The following ERBB4 variants were observed in gnomAD, a reference collection of about 807,000 sequenced individuals.
The protein encoded by ERBB4 is receptor tyrosine-protein kinase erbB-4.
In ERBB4, 42 loss-of-function variants were observed where a neutral mutation model predicts 158.0. That is an observed-to-expected ratio of 0.27 (90% CI 0.21 to 0.34). The LOEUF (loss-of-function observed/expected upper bound fraction) is 0.34. ERBB4 is among the 10% of genes least tolerant of loss of function. ERBB4 has a pLI of 1.00. For missense variants in ERBB4, 1,333 were observed against 1,624.1 expected, an observed-to-expected ratio of 0.82 and a Z score of 3.08; for synonymous variants, 583 against 558.7, an observed-to-expected ratio of 1.04 and a Z score of -0.61.
At chr2:211,911,790 T>C (rs1559082950) in intron 3 of ERBB4, among the ~76,000 whole-genome samples, 1 of 151,652 alleles carries the variant, frequency 6.6e-6, no homozygotes, top group Non-Finnish European at 1.5e-5. Flanking sequence ...GGTTACAAAT[T>C]TCAGTTAGAC....
intron 1 of ERBB4, among the ~76,000 whole-genome samples, chr2:212,452,739 C>G (rs768125972): frequency 9.9e-5 from 15 of 152,076 alleles, no homozygotes; most frequent in Non-Finnish European, 1.9e-4. Flanking sequence ...AAAACTGACT[C>G]TAAGTTTAAA....
At chr2:211,904,782 A>G (rs2079332412) in intron 3 of ERBB4, among the ~76,000 whole-genome samples, 1 of 152,154 alleles carries the variant, frequency 6.6e-6, no homozygotes. Context: ...TGACCAACAG[A>G]GAACAATTAC....
intron 17 of ERBB4, among the ~76,000 whole-genome samples, chr2:211,629,365 A>G (rs1205785391): frequency 6.6e-6 from 1 of 152,102 alleles, no homozygotes; most frequent in African/African-American, 2.4e-5. Flanking sequence ...CTTCAAGGAG[A>G]TCTACAAACC....
intron 2 of ERBB4, among the ~76,000 whole-genome samples, chr2:211,999,582 CAAAT>C (rs2076057275): frequency 6.6e-6 from 1 of 151,714 alleles, no homozygotes; most frequent in Non-Finnish European, 1.5e-5. Context: ...ATAAAAGAAT[CAAAT>C]GAATGGAAAT....
At chr2:212,109,037 C>T (rs1195273196) in intron 2 of ERBB4, among the ~76,000 whole-genome samples, 5 of 152,012 alleles carry the variant, frequency 3.3e-5, no homozygotes, top group African/African-American at 1.2e-4. Flanking sequence ...CTGCCTTGTC[C>T]TACTCTGCAG....
chr2:211,644,979 G>T (rs532301646), intron 16 of ERBB4, among the ~76,000 whole-genome samples: 8 of 151,826 alleles, frequency 5.3e-5, no homozygotes, highest in Non-Finnish European at 8.8e-5. Flanking sequence ...TTAGAGCCAC[G>T]GGGGAGGAGA....
chr2:212,243,091 T>A (rs897773786), intron 1 of ERBB4, among the ~76,000 whole-genome samples: 1 of 152,214 alleles, frequency 6.6e-6, no homozygotes, highest in African/African-American at 2.4e-5. Flanking sequence ...CAATCTGTTA[T>A]GCCATTTTCT....
chr2:211,600,640 C>G (rs1255564985), intron 19 of ERBB4, among the ~76,000 whole-genome samples: 3 of 152,116 alleles, frequency 2.0e-5, no homozygotes, highest in African/African-American at 7.2e-5. Context: ...GTGACTAACT[C>G]CATTCTGGCA....
chr2:212,072,424 ATC>A (rs1043770190), intron 2 of ERBB4, among the ~76,000 whole-genome samples: 1 of 151,932 alleles, frequency 6.6e-6, no homozygotes, highest in African/African-American at 2.4e-5. Context: ...TTAAAATTTA[ATC>A]TCTCTGCATC....
At chr2:211,812,273 G>C (rs1183321741) in intron 3 of ERBB4, among the ~76,000 whole-genome samples, 2 of 152,112 alleles carry the variant, frequency 1.3e-5, no homozygotes, top group African/African-American at 4.8e-5. Flanking sequence ...TTTTCCAACA[G>C]GTCCCTCAGC....
rs1553584050 is a variant in ERBB4 at position 212,185,021 on chromosome 2, C to CTTTTTTTTTTTCTTTTTT, written c.83-60119_83-60118insAAAAAAGAAAAAAAAAAA. 9.1e-4 allele frequency among the ~76,000 whole-genome samples: 121 copies of CTTTTTTTTTTTCTTTTTT among 132,502 alleles called. 4 individuals carry two copies. Among genetic ancestry groups the CTTTTTTTTTTTCTTTTTT allele is most frequent in the African/African-American group, 3.2e-3 (114 of 35,364 alleles). 86.9% of individuals were successfully genotyped at this position (132,502 alleles called of 152,430 possible). A position where few individuals can be genotyped will look rare whatever the true frequency, so the allele number is the denominator to read the frequency against. On this transcript the variant is annotated intron_variant, in intron 1 of 27. Coordinates refer to ENST00000342788, the MANE Select transcript of ERBB4 (RefSeq NM_005235.3). The stretch of plus-strand genomic sequence containing the variant: ...TTAGATATCACAGTTACTTTTTTTT[C>CTTTTTTTTTTTCTTTTTT]TTTTTTTTTTTTCTTTTGAGACAGA...
intron 27 of ERBB4, among the ~76,000 whole-genome samples, chr2:211,385,911 C>A (rs978035264): frequency 6.6e-6 from 1 of 152,122 alleles, no homozygotes; most frequent in African/African-American, 2.4e-5. Context: ...CATCCAAACT[C>A]TTCATTACAT....
rs1258999804 is a variant in ERBB4 at position 212,526,958 on chromosome 2, C to T, written c.82+11491G>A. Among the ~76,000 whole-genome samples the T allele has an allele frequency of 1.3e-5, 2 of 152,042 alleles. 1 individual carries two copies. The highest frequency in any genetic ancestry group is 1.3e-4 in the Admixed American group (2 of 15,246). The stretch of plus-strand genomic sequence containing the variant: ...ATTTTCTTATTTTAAAGAATGGTCA[C>T]ATTTAACTTAGCCTGAGGGTAAAAG... On this transcript the variant is annotated intron_variant, in intron 1 of 27. Transcript: ENST00000342788.
chr2:211,755,337 AC>A (rs1364031775), intron 4 of ERBB4, among the ~76,000 whole-genome samples: 1 of 151,970 alleles, frequency 6.6e-6, no homozygotes, highest in African/African-American at 2.4e-5. Context: ...CCCGGCCTCT[AC>A]AAAAAATGCA....
intron 25 of ERBB4, among the ~76,000 whole-genome samples, chr2:211,413,667 T>G (rs1182954454): frequency 4.6e-5 from 7 of 151,968 alleles, no homozygotes; most frequent in Non-Finnish European, 1.0e-4. Context: ...GTCCATAGGG[T>G]TTTCTCTTCT....
At chr2:212,307,331 T>C (rs1028776861) in intron 1 of ERBB4, among the ~76,000 whole-genome samples, 2 of 150,390 alleles carry the variant, frequency 1.3e-5, no homozygotes, top group South Asian at 4.2e-4. Flanking sequence ...AAATATTAGT[T>C]CTTGGATCCC....
intron 1 of ERBB4, among the ~76,000 whole-genome samples, chr2:212,483,405 T>A (rs191700198): frequency 6.6e-6 from 1 of 152,240 alleles, no homozygotes; most frequent in Non-Finnish European, 1.5e-5. Flanking sequence ...AGAAAAGTTA[T>A]CTGGAGTGTC....
At chr2:212,011,424 C>G (rs1309352683) in intron 2 of ERBB4, among the ~76,000 whole-genome samples, 2 of 151,976 alleles carry the variant, frequency 1.3e-5, no homozygotes, top group African/African-American at 2.4e-5. Context: ...TTCTATTAAC[C>G]AATGCTGAGC....
intron 16 of ERBB4, among the ~76,000 whole-genome samples, chr2:211,651,930 A>T (rs1559382476): frequency 6.6e-6 from 1 of 152,070 alleles, no homozygotes; most frequent in Non-Finnish European, 1.5e-5. Context: ...CTGTAATTTT[A>T]CCTGTGGAAC....
Sources: allele counts gnomAD v4.1 joint callset (sites outside exome capture counted in the v4.1 genomes callset), GRCh38; gene constraint gnomAD v4.1.1; transcripts MANE v1.5; gene names NCBI Gene and HGNC (gene_info 2026-07-23, HGNC 2026-07-21).